The following USH2A variants were observed in gnomAD, a reference collection of about 807,000 sequenced individuals.
USH2A encodes the protein Usher syndrome 2A (autosomal recessive, mild).
A neutral mutation model predicts 538.9 loss-of-function variants in USH2A; 443 were observed. The ratio of observed to expected loss-of-function variants is 0.82; its 90% CI spans 0.76 to 0.89. USH2A has a LOEUF of 0.89. USH2A is among the 40% of genes least tolerant of loss of function. The pLI, the probability that USH2A is intolerant of heterozygous loss-of-function variation, is 0.00. For missense variants in USH2A, 6,633 were observed against 6,324.8 expected (o/e 1.05, Z -1.65); for synonymous variants, 2,413 against 2,273.5 (o/e 1.06, Z -1.75).
intron 61 of USH2A, among the ~76,000 whole-genome samples, chr1:215,692,554 C>G (rs1014882994): frequency 1.3e-5 from 2 of 152,046 alleles, no homozygotes; most frequent in African/African-American, 4.8e-5. Flanking sequence ...GTGCTCAGGC[C>G]TCAGCCAATT....
intron 64 of USH2A, among the ~76,000 whole-genome samples, chr1:215,663,902 C>T (rs1224209887): frequency 6.6e-6 from 1 of 152,050 alleles, no homozygotes; most frequent in Non-Finnish European, 1.5e-5. Flanking sequence ...ACAGAAAGGG[C>T]TTGAATCTGG....
At chr1:215,656,297 T>A (rs959876216) in intron 64 of USH2A, among the ~76,000 whole-genome samples, 1 of 152,196 alleles carries the variant, frequency 6.6e-6, no homozygotes, top group Non-Finnish European at 1.5e-5. Flanking sequence ...TCCTGATGCA[T>A]TTTTCCTTTA....
At chr1:216,242,944 T>C (rs1373781212) in intron 13 of USH2A, among the ~76,000 whole-genome samples, 1 of 152,344 alleles carries the variant, frequency 6.6e-6, no homozygotes, top group South Asian at 2.1e-4. Flanking sequence ...TAAAATGTTC[T>C]CTGATTAAAT....
At chr1:215,944,748 G>C (rs1489131797) in intron 37 of USH2A, among the ~76,000 whole-genome samples, 1 of 151,896 alleles carries the variant, frequency 6.6e-6, no homozygotes, top group Non-Finnish European at 1.5e-5. Flanking sequence ...AGAAATATGG[G>C]TTTACTATTT....
At chr1:216,052,045 C>T (rs966223360) in intron 30 of USH2A, among the ~76,000 whole-genome samples, 3 of 152,152 alleles carry the variant, frequency 2.0e-5, no homozygotes, top group African/African-American at 7.2e-5. Context: ...TTCTTGTCTT[C>T]ACTAAAGGAG....
intron 64 of USH2A, among the ~76,000 whole-genome samples, chr1:215,665,376 C>G (rs953918527): frequency 6.6e-6 from 1 of 152,276 alleles, no homozygotes; most frequent in Non-Finnish European, 1.5e-5. Flanking sequence ...TTCAGAGACC[C>G]TGAGTGTGCG....
chr1:216,124,474 T>C (rs79913979), intron 21 of USH2A, among the ~76,000 whole-genome samples: 423 of 151,068 alleles, frequency 2.8e-3, no homozygotes, highest in African/African-American at 9.7e-3. Flanking sequence ...AGAAGAGATA[T>C]AACAAAAAGA....
chr1:216,099,618 A>G (rs571390773), intron 21 of USH2A, among the ~76,000 whole-genome samples: 37 of 152,288 alleles, frequency 2.4e-4, no homozygotes, highest in African/African-American at 8.9e-4. Flanking sequence ...GGAGAATAAG[A>G]CAAGGACAGA....
At chr1:215,976,529 G>A (rs914727976) in intron 35 of USH2A, among the ~76,000 whole-genome samples, 2 of 151,972 alleles carry the variant, frequency 1.3e-5, no homozygotes, top group African/African-American at 4.8e-5. Context: ...AAGGTATATT[G>A]GATTTTATTG....
At chr1:216,144,460 T>C (rs2033657083) in intron 21 of USH2A, among the ~76,000 whole-genome samples, 1 of 152,134 alleles carries the variant, frequency 6.6e-6, no homozygotes, top group Non-Finnish European at 1.5e-5. Flanking sequence ...TATCATTGGC[T>C]AAAATAAATG....
At chr1:215,783,204 A>G (rs1419175051) in intron 52 of USH2A, among the ~76,000 whole-genome samples, 1 of 152,196 alleles carries the variant, frequency 6.6e-6, no homozygotes, top group Admixed American at 6.5e-5. Context: ...AATGAAAAAT[A>G]AAAGCACTGG....
chr1:215,685,829 C>T (rs1256146291), intron 61 of USH2A, among the ~76,000 whole-genome samples: 1 of 152,110 alleles, frequency 6.6e-6, no homozygotes, highest in Admixed American at 6.6e-5. Context: ...CTTCCTTTAC[C>T]AGTGCCATCT....
chr1:215,699,212 G>A (rs1658917992), intron 61 of USH2A, among the ~76,000 whole-genome samples: 1 of 152,130 alleles, frequency 6.6e-6, no homozygotes, highest in Non-Finnish European at 1.5e-5. Context: ...TGCTGTTTTG[G>A]TTACTGTAGC....
intron 4 of USH2A, among the ~76,000 whole-genome samples, chr1:216,357,855 C>G (rs556432569): frequency 7.8e-4 from 119 of 152,244 alleles, no homozygotes; most frequent in Admixed American, 1.8e-3. Flanking sequence ...AACTACATAT[C>G]TGCTAACACA....
At chr1:215,845,628 T>C (rs1663817744) in intron 45 of USH2A, among the ~76,000 whole-genome samples, 196 bp downstream of exon 45, 1 of 151,262 alleles carries the variant, frequency 6.6e-6, no homozygotes, top group South Asian at 2.1e-4. Flanking sequence ...TTATTAGAGC[T>C]TGTGCTTCTG....
intron 3 of USH2A, among the ~76,000 whole-genome samples, chr1:216,367,967 T>C (rs890537481): frequency 3.7e-4 from 56 of 152,196 alleles, no homozygotes; most frequent in African/African-American, 1.3e-3. Context: ...CAAGAGGAGC[T>C]CGTGCATGTT....
In USH2A at chr1:215,856,539, C is replaced by A. The variant is rs981410178; in HGVS notation, c.8845+10468G>T. Among the ~76,000 whole-genome samples the A allele has an allele frequency of 3.9e-5, 6 of 152,018 alleles. No homozygotes were observed. The South Asian group carries it at 6.2e-4, about 16-fold the overall frequency. ...GCAAGAATGGCCATAATCAAAAAAC[C>A]AAAAAATAATAGACCTTGGCATAGA... On this transcript the variant is annotated intron_variant, in intron 44 of 71. Coordinates refer to ENST00000307340, the MANE Select transcript of USH2A (RefSeq NM_206933.4).
intron 21 of USH2A, among the ~76,000 whole-genome samples, chr1:216,123,766 T>C (rs1034606776): frequency 3.9e-5 from 6 of 152,166 alleles, no homozygotes; most frequent in African/African-American, 1.4e-4. Flanking sequence ...GTATAATATA[T>C]ATAACACATA....
intron 3 of USH2A, among the ~76,000 whole-genome samples, chr1:216,367,616 T>C (rs1050959984): frequency 6.6e-6 from 1 of 152,098 alleles, no homozygotes; most frequent in African/African-American, 2.4e-5. Context: ...TATTTTCACT[T>C]TATAGGTACT....
Sources: gnomAD v4.1 joint callset for allele counts (sites outside exome capture counted in the v4.1 genomes callset) on GRCh38, gnomAD v4.1.1 for gene constraint, MANE v1.5 for transcripts, NCBI Gene and HGNC (gene_info 2026-07-23, HGNC 2026-07-21) for gene names.